Variants in ELK3 observed in about 807,000 individuals in gnomAD.
ELK3 encodes the protein ETS domain-containing protein Elk-3.
A neutral mutation model predicts 28.9 loss-of-function variants in ELK3; 10 were observed. The observed-to-expected ratio is 0.35, with a 90% CI of 0.21 to 0.59. The LOEUF (loss-of-function observed/expected upper bound fraction) is 0.59. Ranked by LOEUF, ELK3 falls within the 20% of genes least tolerant of loss-of-function variation. ELK3 has a pLI of 0.82. For synonymous variants in ELK3, 272 were observed against 243.5 expected (o/e 1.12, Z -1.09); for missense variants, 463 against 517.3 (o/e 0.90, Z 1.02).
chr12:96,207,202 T>C (rs1230791893), intron 1 of ELK3, among the ~76,000 whole-genome samples: 1 of 152,198 alleles, frequency 6.6e-6, no homozygotes, highest in Middle Eastern at 3.2e-3. Context: ...ACCACTGTGT[T>C]TTTACTTCCT....
chr12:96,259,997 CACG>C, intron 4 of ELK3, 144 bp downstream of exon 4: 1 of 1,136,578 alleles, frequency 8.8e-7, no homozygotes, highest in Non-Finnish European at 1.2e-6. Context: ...AGTGGGGTTG[CACG>C]CCCTTCAGAG....
At chr12:96,235,491 C>T (rs919831010) in intron 2 of ELK3, among the ~76,000 whole-genome samples, 10 of 152,136 alleles carry the variant, frequency 6.6e-5, no homozygotes, top group Non-Finnish European at 1.2e-4. Context: ...GAGTAGGAAA[C>T]AAGCATCCTT....
chr12:96,263,602 G>A (rs1184914407), intron 4 of ELK3, among the ~76,000 whole-genome samples: 1 of 152,220 alleles, frequency 6.6e-6, no homozygotes, highest in African/African-American at 2.4e-5. Flanking sequence ...TAGTGGATGA[G>A]TAAACAAACT....
At chr12:96,235,737 C>T (rs533788863) in intron 2 of ELK3, among the ~76,000 whole-genome samples, 2 of 152,276 alleles carry the variant, frequency 1.3e-5, no homozygotes, top group Admixed American at 1.3e-4. Flanking sequence ...CCGCTCAACA[C>T]AGGAAGGTCA....
At chr12:96,217,970 A>G (rs898693139) in intron 1 of ELK3, among the ~76,000 whole-genome samples, 4 of 151,142 alleles carry the variant, frequency 2.6e-5, no homozygotes, top group Non-Finnish European at 5.9e-5. Context: ...ATTTGTCAAC[A>G]CTGAGAACGA....
intron 4 of ELK3, among the ~76,000 whole-genome samples, chr12:96,262,763 TAC>T (rs565756339): frequency 1.4e-3 from 206 of 152,256 alleles, no homozygotes; most frequent in African/African-American, 4.9e-3. Flanking sequence ...TTACAATTGA[TAC>T]ATATTCAGAA....
At position 96,236,340 on chromosome 12, in the gene ELK3, G is replaced by A. The variant is rs76017520; in HGVS notation, c.208-10600G>A. 2.2e-3 allele frequency among the ~76,000 whole-genome samples: 331 copies of A among 152,202 alleles called. 1 individual carries two copies. Among genetic ancestry groups the A allele is most frequent in the Non-Finnish European group, 3.8e-3 (260 of 68,028 alleles). On this transcript the variant is annotated intron_variant, in intron 2 of 4. Coordinates refer to ENST00000228741, the MANE Select transcript of ELK3 (RefSeq NM_005230.4). ...GCCAGCAAGCCAGCACTTCTCACTA[G>A]CACCCTCAGGGTGCCACGTGTACTC...
chr12:96,230,532 G>A (rs978712218), intron 2 of ELK3, among the ~76,000 whole-genome samples: 10 of 152,158 alleles, frequency 6.6e-5, no homozygotes, highest in Non-Finnish European at 1.2e-4. Flanking sequence ...ACTAGACTCC[G>A]TGACAGGTGT....
At chr12:96,215,791 A>G (rs1341916950) in intron 1 of ELK3, among the ~76,000 whole-genome samples, 1 of 151,970 alleles carries the variant, frequency 6.6e-6, no homozygotes, top group African/African-American at 2.4e-5. Context: ...GCGGACCACC[A>G]GACACAGCTA....
rs192772878 is a variant in ELK3, at chr12:96,259,090, A to G, written c.1003-641A>G. On this transcript the variant is annotated intron_variant, in intron 3 of 4. Transcript: ENST00000228741. ...AATTAAAGCCCCTTTATGGGATCCT[A>G]TTTTGTTTGTATACTAATCCTTGTT... Among the ~76,000 whole-genome samples, 368 of 152,288 alleles carry G rather than the reference A, an allele frequency of 2.4e-3. 1 individual carries two copies. The highest frequency in any genetic ancestry group is 3.7e-3 in the Non-Finnish European group (255 of 68,008).
chr12:96,210,664 C>T (rs967210276), intron 1 of ELK3, among the ~76,000 whole-genome samples: 2 of 151,996 alleles, frequency 1.3e-5, no homozygotes, highest in African/African-American at 4.8e-5. Flanking sequence ...CCACTTGTAT[C>T]GAGAACCACC....
intron 2 of ELK3, among the ~76,000 whole-genome samples, chr12:96,238,883 G>A (rs1374565682): frequency 7.9e-5 from 12 of 152,192 alleles, no homozygotes. Flanking sequence ...CTGGAATGCA[G>A]AGACCCCTTG....
At chr12:96,253,928 G>C (rs1266624719) in intron 3 of ELK3, among the ~76,000 whole-genome samples, 1 of 152,230 alleles carries the variant, frequency 6.6e-6, no homozygotes. Flanking sequence ...TTGCTGTCCA[G>C]CATACGGGGC....
chr12:96,262,608 A>G (rs1020765096), intron 4 of ELK3, among the ~76,000 whole-genome samples: 1 of 152,178 alleles, frequency 6.6e-6, no homozygotes, highest in African/African-American at 2.4e-5. Context: ...GACTAAGGAA[A>G]AACAATTTTT....
chr12:96,248,336 C>G (rs1053719044), intron 3 of ELK3, among the ~76,000 whole-genome samples: 8 of 152,214 alleles, frequency 5.3e-5, no homozygotes, highest in South Asian at 2.1e-4. Context: ...GCCAAAAAAG[C>G]CTTCGTTGTT....
intron 2 of ELK3, among the ~76,000 whole-genome samples, chr12:96,233,470 T>C (rs1951758240): frequency 6.6e-6 from 1 of 152,226 alleles, no homozygotes; most frequent in East Asian, 1.9e-4. Context: ...GAACAATCTT[T>C]ACTTAATTGG....
intron 2 of ELK3, among the ~76,000 whole-genome samples, chr12:96,231,017 C>T (rs1169363270): frequency 1.3e-5 from 2 of 152,216 alleles, no homozygotes; most frequent in Admixed American, 1.3e-4. Flanking sequence ...GAGAAACACA[C>T]AGGTCATGGG....
rs1284595803 is a variant in ELK3, at chr12:96,223,552, C to T, written c.-2-13C>T. The T allele has an allele frequency of 2.6e-5, 42 of 1,613,044 alleles. No homozygotes were observed. Among genetic ancestry groups the T allele is most frequent in the Non-Finnish European group, 3.5e-5 (41 of 1,179,332 alleles). On this transcript the variant is annotated splice_polypyrimidine_tract_variant and intron_variant, in intron 1 of 4. Transcript: ENST00000228741. The stretch of plus-strand genomic sequence containing the variant: ...GTGACCAGCAGCTCTGACCTGGCCT[C>T]CTCTCCCTGCAGGTATGGAGAGTGC...
intron 3 of ELK3, among the ~76,000 whole-genome samples, chr12:96,251,490 G>T (rs1951906141): frequency 6.6e-6 from 1 of 152,184 alleles, no homozygotes; most frequent in East Asian, 1.9e-4. Context: ...TCCAAAGCTA[G>T]AATGATGACG....
Sources: gnomAD v4.1 joint callset for allele counts (sites outside exome capture counted in the v4.1 genomes callset) on GRCh38, gnomAD v4.1.1 for gene constraint, MANE v1.5 for transcripts, NCBI Gene and HGNC (gene_info 2026-07-23, HGNC 2026-07-21) for gene names.